CLOCK: variants seen among roughly 807,000 people sequenced by gnomAD.
CLOCK encodes the protein clock circadian regulator, also known as circadian locomoter output cycles protein kaput.
CLOCK carries 43 observed loss-of-function variants against 118.4 expected under a neutral mutation model. The ratio of observed to expected loss-of-function variants is 0.36; its 90% CI spans 0.28 to 0.47. The LOEUF is 0.47. Among genes scored for constraint, CLOCK ranks in the 20% least tolerant of loss-of-function variants. The pLI, the probability that CLOCK is intolerant of heterozygous loss-of-function variation, is 1.00. For missense variants in CLOCK, 846 were observed against 999.9 expected (o/e 0.85, Z 2.08); for synonymous variants, 326 against 339.2 (o/e 0.96, Z 0.43).
Position 55,443,867 on chromosome 4 carries a change from C to T in CLOCK, c.1722G>A (p.Leu574=), listed in dbSNP as rs979416144. The T allele has an allele frequency of 1.2e-6, 2 of 1,612,950 alleles. No individual in the cohort carries two copies. Among genetic ancestry groups the T allele is most frequent in the Admixed American group, 1.7e-5 (1 of 59,968 alleles). ...QMFLQQSNPG[L]NFGSVQLSSG... ...AAGAAAGTTGAACGGAACCAAAATTCAACCCAGGATTTGATTGTTGCAAAA... is the reference window on the plus strand; with the variant it reads ...AAGAAAGTTGAACGGAACCAAAATTTAACCCAGGATTTGATTGTTGCAAAA... The change falls in exon 20 of 23, where the codon TTG becomes TTA. Residue 574 remains leucine (L), a synonymous_variant. Coordinates refer to ENST00000513440, the MANE Select transcript of CLOCK (RefSeq NM_004898.4).
chr4:55,503,220 A>G lies in CLOCK; in HGVS notation c.-136+6692T>C, dbSNP rs192953864. 2.5e-3 allele frequency among the ~76,000 whole-genome samples: 381 copies of G among 152,372 alleles called. 2 individuals carry two copies. The highest frequency in any genetic ancestry group is 8.8e-3 in the African/African-American group (368 of 41,592). ...AAGAATGTTCACAGAAGTATTCTTC[A>G]TAACAGCCAATACTAGAAACACCCC... is the stretch of plus-strand genomic sequence containing the variant. On this transcript the variant is annotated intron_variant, in intron 2 of 22. Coordinates refer to ENST00000513440, the MANE Select transcript of CLOCK (RefSeq NM_004898.4).
rs1723070282 is a variant in CLOCK, at chr4:55,438,442, A to T, written c.2201T>A (p.Val734Glu). The T allele has an allele frequency of 6.2e-7, 1 of 1,613,784 alleles. No homozygotes were observed. The highest frequency in any genetic ancestry group is 1.1e-5 in the South Asian group (1 of 91,074). ...AGCAAAAGTAGGATATGCAGTCACC[A>T]CCTGGCCCATAAGCATAGTACTAGG... ...MVPSTMLMGQVVTAYPTFATQ... is the reference protein window; with the variant it reads ...MVPSTMLMGQEVTAYPTFATQ... Residue 734 changes from valine (V) to glutamate (E), a missense_variant, in exon 22 of 23, where the codon GTG (valine) becomes GAG (glutamate). By Grantham distance (121) the Val-to-Glu change is moderately radical. Around this residue, in one of 4 missense-constraint regions of CLOCK, gnomAD observed 520 missense variants for 558.0 expected, o/e 0.93. Coordinates refer to ENST00000513440, the MANE Select transcript of CLOCK (RefSeq NM_004898.4).
chr4:55,480,911 T>A (rs1437748568), intron 4 of CLOCK, among the ~76,000 whole-genome samples: 1 of 129,578 alleles, frequency 7.7e-6, no homozygotes, highest in South Asian at 2.8e-4. Context: ...AAGAGATGAG[T>A]TTTAATTTTT....
intron 1 of CLOCK, among the ~76,000 whole-genome samples, chr4:55,534,027 CTG>C (rs1730722373): frequency 6.6e-6 from 1 of 152,154 alleles, no homozygotes; most frequent in Admixed American, 6.5e-5. Context: ...TCCTTTTTGC[CTG>C]TGTCTTAAAA....
chr4:55,493,807 C>T (rs1727876984), intron 2 of CLOCK, among the ~76,000 whole-genome samples: 1 of 152,120 alleles, frequency 6.6e-6, no homozygotes, highest in Admixed American at 6.6e-5. Context: ...AGAACCACAT[C>T]CCAAACCAGT....
chr4:55,487,383 G>A (rs1474557743), intron 3 of CLOCK, among the ~76,000 whole-genome samples: 1 of 152,130 alleles, frequency 6.6e-6, no homozygotes, highest in African/African-American at 2.4e-5. Context: ...GGGCTATCAG[G>A]TTGAAATATT....
Position 55,444,743 on chromosome 4 carries a change from C to T in CLOCK, c.1582G>A (p.Asp528Asn). Residue 528 changes from aspartate to asparagine, a missense_variant, in exon 19 of 23, where the codon GAC becomes AAC. Physicochemically the swap from Asp to Asn is conservative, Grantham distance 23 (BLOSUM62 1). Coordinates refer to ENST00000513440, the MANE Select transcript of CLOCK (RefSeq NM_004898.4). ...AQLGAMQHLK[D>N]QLEQRTRMIE... ...ATGCGTGTCCGTTGTTCCAATTGGTCTTTCAGATGTTGCATGGCTCCTAAT... is the reference window on the plus strand; with the variant it reads ...ATGCGTGTCCGTTGTTCCAATTGGTTTTTCAGATGTTGCATGGCTCCTAAT... 6.2e-7 allele frequency: 1 copy of T among 1,614,076 alleles called. No homozygotes were observed. Among genetic ancestry groups the T allele is most frequent in the Non-Finnish European group, 8.5e-7 (1 of 1,180,006 alleles).
rs780854851 is a variant in CLOCK at position 55,459,247 on chromosome 4, C to T, written c.574G>A (p.Glu192Lys). ...CCTCGCAGCATGTGACAACAGAATT[C>T]TAACTGATTTTTTGCTGAAATAAAA... ...PEYLKSKNQLEFCCHMLRGTI... is the reference protein window; with the variant it reads ...PEYLKSKNQLKFCCHMLRGTI... Residue 192 changes from glutamate (E) to lysine (K), a missense_variant, in exon 10 of 23, where the codon GAA becomes AAA. Physicochemically the swap from Glu to Lys is moderately conservative, Grantham distance 56. Around this residue, in one of 4 missense-constraint regions of CLOCK, gnomAD observed 246 missense variants for 300.2 expected, o/e 0.82. Coordinates refer to ENST00000513440, the MANE Select transcript of CLOCK (RefSeq NM_004898.4). 1 of 1,607,396 alleles carries T rather than the reference C, an allele frequency of 6.2e-7. No homozygotes were observed. The highest frequency in any genetic ancestry group is 1.3e-5 in the African/African-American group (1 of 74,918).
At chr4:55,448,583 T>A (rs576779243) in intron 18 of CLOCK, among the ~76,000 whole-genome samples, 196 bp downstream of exon 18, 1 of 106,000 alleles carries the variant, frequency 9.4e-6, no homozygotes, top group Non-Finnish European at 2.0e-5. Context: ...ATTATATATG[T>A]GCGCGCGCGC....
chr4:55,473,278 AAC>A (rs1330250868), intron 7 of CLOCK, among the ~76,000 whole-genome samples: 1 of 152,138 alleles, frequency 6.6e-6, no homozygotes, highest in African/African-American at 2.4e-5. Flanking sequence ...GAAAGCAAGA[AAC>A]AGATACTATT....
At chr4:55,449,002 T>TAAC in intron 17 of CLOCK, 134 bp from the exon 18 acceptor site, 3 of 729,484 alleles carry the variant, frequency 4.1e-6, no homozygotes, top group Non-Finnish European at 2.3e-6. Context: ...TGAATACAGC[T>TAAC]ATGTCTTCTC....
chr4:55,468,608 G>GT (rs1725898199), intron 8 of CLOCK, among the ~76,000 whole-genome samples: 1 of 152,140 alleles, frequency 6.6e-6, no homozygotes, highest in Non-Finnish European at 1.5e-5. Context: ...TTTTTAGAGT[G>GT]TTTTTTATAA....
intron 1 of CLOCK, among the ~76,000 whole-genome samples, chr4:55,515,759 G>A (rs1011062783): frequency 6.6e-6 from 1 of 152,072 alleles, no homozygotes; most frequent in African/African-American, 2.4e-5. Context: ...AGTTTCCTAA[G>A]GCAGAAACTT....
intron 19 of CLOCK, 95 bp from the exon 20 acceptor site, chr4:55,443,991 T>C: frequency 9.0e-7 from 1 of 1,115,366 alleles, no homozygotes; most frequent in South Asian, 1.4e-5. Context: ...AAAGTATGTT[T>C]AAAAAGCAAG....
chr4:55,511,292 T>TAAC (rs1314119219), intron 1 of CLOCK, among the ~76,000 whole-genome samples: 1 of 152,160 alleles, frequency 6.6e-6, no homozygotes, highest in Non-Finnish European at 1.5e-5. Flanking sequence ...ATCTATCTAA[T>TAAC]TTTAATGACA....
rs914748633 is a variant in CLOCK at position 55,433,485 on chromosome 4, CTTAGCA to C, written c.*1924_*1929del. On this transcript the variant is annotated 3_prime_UTR_variant, in exon 23 of 23. Transcript: ENST00000513440. ...AGGACAGAGAAGTCTTAAGAACTGG[CTTAGCA>C]TTCCCCTGACCTCTTTACCTAGCAA... The C allele has an allele frequency of 4.6e-5, 7 of 152,278 alleles. No homozygotes were observed. The highest frequency in any genetic ancestry group is 1.7e-4 in the African/African-American group (7 of 41,446). 9.4% of individuals were successfully genotyped at this position (152,278 alleles called of 1,614,324 possible). A position where few individuals can be genotyped will look rare whatever the true frequency, so the allele number is the denominator to read the frequency against.
chr4:55,512,447 AGTTTT>A (rs1042939119), intron 1 of CLOCK, among the ~76,000 whole-genome samples: 1 of 152,040 alleles, frequency 6.6e-6, no homozygotes, highest in African/African-American at 2.4e-5. Context: ...CTTACTGTTA[AGTTTT>A]AAGAGTCCAT....
intron 8 of CLOCK, among the ~76,000 whole-genome samples, chr4:55,465,342 G>T (rs766577490): frequency 6.6e-6 from 1 of 152,200 alleles, no homozygotes; most frequent in Admixed American, 6.5e-5. Flanking sequence ...ATGGATTTTG[G>T]TATCTGCAGC....
At chr4:55,464,185 A>G (rs1725570458) in intron 8 of CLOCK, among the ~76,000 whole-genome samples, 1 of 152,232 alleles carries the variant, frequency 6.6e-6, no homozygotes, top group African/African-American at 2.4e-5. Flanking sequence ...ACTATGCACA[A>G]GCTAAATAAA....
Sources: allele counts gnomAD v4.1 joint callset (sites outside exome capture counted in the v4.1 genomes callset), GRCh38; gene constraint gnomAD v4.1.1; regional missense constraint gnomAD v4.1.1; transcripts MANE v1.5; gene names NCBI Gene and HGNC (gene_info 2026-07-23, HGNC 2026-07-21).